The following CCDC138 variants were observed in gnomAD, a reference collection of about 807,000 sequenced individuals.
The protein encoded by CCDC138 is coiled-coil domain-containing protein 138.
Under a neutral mutation model 82.3 loss-of-function variants are expected in CCDC138, and 66 were observed. That is an observed-to-expected ratio of 0.80 (90% CI 0.66 to 0.98). The LOEUF (loss-of-function observed/expected upper bound fraction) is 0.98, where lower values mean the gene tolerates loss of function less well. Ranked by LOEUF, CCDC138 falls within the 50% of genes least tolerant of loss-of-function variation. The pLI is 0.00. For synonymous variants in CCDC138, 297 were observed against 265.4 expected (o/e 1.12, Z -1.16); for missense variants, 816 against 758.9 (o/e 1.08, Z -0.88).
intron 10 of CCDC138, among the ~76,000 whole-genome samples, chr2:108,821,439 G>A (rs1383532315): frequency 6.6e-6 from 1 of 152,100 alleles, no homozygotes. Flanking sequence ...TATTCAGTTG[G>A]CATTATTGAT....
intron 11 of CCDC138, among the ~76,000 whole-genome samples, chr2:108,845,728 C>T (rs866619260): frequency 2.6e-5 from 4 of 152,002 alleles, no homozygotes; most frequent in Admixed American, 1.3e-4. Flanking sequence ...CCCGCCACCA[C>T]GCCTGGCTAT....
At chr2:108,842,775 G>C (rs1458673705) in intron 11 of CCDC138, among the ~76,000 whole-genome samples, 1 of 152,154 alleles carries the variant, frequency 6.6e-6, no homozygotes, top group African/African-American at 2.4e-5. Flanking sequence ...CCTGCTTCTA[G>C]GGTGAAAAAG....
chr2:108,810,846 C>T (rs952570792), intron 7 of CCDC138, among the ~76,000 whole-genome samples: 6 of 152,180 alleles, frequency 3.9e-5, no homozygotes, highest in Middle Eastern at 3.2e-3. Context: ...CTTTTTACTA[C>T]AATTCAATCT....
chr2:108,840,724 G>A (rs1009991968), intron 11 of CCDC138, among the ~76,000 whole-genome samples: 1 of 151,930 alleles, frequency 6.6e-6, no homozygotes, highest in Non-Finnish European at 1.5e-5. Context: ...CATCTCTTTT[G>A]CTAGAAGTTT....
intron 10 of CCDC138, among the ~76,000 whole-genome samples, chr2:108,838,939 T>C (rs1008258312): frequency 1.3e-5 from 2 of 152,176 alleles, no homozygotes; most frequent in Non-Finnish European, 2.9e-5. Context: ...TAGAGTATCT[T>C]TGTGTAGGTT....
intron 2 of CCDC138, 38 bp downstream of exon 2, chr2:108,788,127 T>C: frequency 6.3e-7 from 1 of 1,586,616 alleles, no homozygotes; most frequent in South Asian, 1.2e-5. Flanking sequence ...GTTTCAAAAA[T>C]TTAATTTGAG....
chr2:108,831,486 T>C (rs536541630), intron 10 of CCDC138, among the ~76,000 whole-genome samples: 1 of 152,210 alleles, frequency 6.6e-6, no homozygotes, highest in South Asian at 2.1e-4. Flanking sequence ...TTAGAGGGGA[T>C]AAAGATATAA....
chr2:108,881,792 G>A (rs545628757), intron 1 of CCDC138, among the ~76,000 whole-genome samples: 1 of 152,306 alleles, frequency 6.6e-6, no homozygotes, highest in Admixed American at 6.5e-5. Flanking sequence ...CATCAATTAA[G>A]TTTGCTGTCT....
At chr2:108,819,822 A>G (rs1358219368) in intron 10 of CCDC138, among the ~76,000 whole-genome samples, 2 of 152,196 alleles carry the variant, frequency 1.3e-5, no homozygotes, top group Non-Finnish European at 2.9e-5. Flanking sequence ...AAATCAAAGA[A>G]GAAAACAAAG....
intron 7 of CCDC138, among the ~76,000 whole-genome samples, chr2:108,807,312 A>C (rs1207672997): frequency 6.6e-6 from 1 of 152,222 alleles, no homozygotes; most frequent in Non-Finnish European, 1.5e-5. Flanking sequence ...AAAGGAATTA[A>C]ATTGAAATTT....
chr2:108,791,832 C>T (rs1421555377), intron 4 of CCDC138, 30 bp downstream of exon 4: 1 of 1,541,128 alleles, frequency 6.5e-7, no homozygotes, highest in East Asian at 2.3e-5. Context: ...ACAATCAATT[C>T]AGTAGTAACT....
chr2:108,862,119 G>T (rs1252863863), intron 13 of CCDC138, among the ~76,000 whole-genome samples: 2 of 148,610 alleles, frequency 1.3e-5, no homozygotes, highest in African/African-American at 2.5e-5. Flanking sequence ...TGAGCATGTG[G>T]TCAGTCATAG....
chr2:108,818,525 G>A (rs1393421559), intron 10 of CCDC138, among the ~76,000 whole-genome samples: 1 of 151,988 alleles, frequency 6.6e-6, no homozygotes, highest in East Asian at 1.9e-4. Flanking sequence ...TAATAATAAA[G>A]GTAGAACAAT....
downstream of CCDC138, among the ~76,000 whole-genome samples, chr2:108,880,461 A>G (rs940599262): frequency 7.2e-5 from 11 of 152,188 alleles, no homozygotes; most frequent in Non-Finnish European, 1.3e-4. Context: ...CCAGAAGGCT[A>G]AACTTCCTAG....
At chr2:108,833,894 ATTTTTTTTTT>A (rs749488565) in intron 10 of CCDC138, among the ~76,000 whole-genome samples, 4 of 79,242 alleles carry the variant, frequency 5.0e-5, no homozygotes, top group Admixed American at 1.8e-4. Flanking sequence ...CGCCCGGCTA[ATTTTTTTTTT>A]TTTTTTTTTT....
At chr2:108,837,384 CA>C (rs1688742906) in intron 10 of CCDC138, among the ~76,000 whole-genome samples, 1 of 152,172 alleles carries the variant, frequency 6.6e-6, no homozygotes, top group Admixed American at 6.5e-5. Context: ...GAATTAATCT[CA>C]CTTAGTCATG....
intron 7 of CCDC138, among the ~76,000 whole-genome samples, chr2:108,807,122 A>G (rs1463971934): frequency 1.3e-5 from 2 of 152,236 alleles, no homozygotes; most frequent in African/African-American, 2.4e-5. Flanking sequence ...ATAACTGAGA[A>G]TGAAGAAAAA....
At chr2:108,809,842 G>A (rs1683499701) in intron 7 of CCDC138, among the ~76,000 whole-genome samples, 1 of 152,060 alleles carries the variant, frequency 6.6e-6, no homozygotes, top group African/African-American at 2.4e-5. Flanking sequence ...GTCTCACTCT[G>A]TCGCCCAGGC....
intron 6 of CCDC138, among the ~76,000 whole-genome samples, chr2:108,799,094 A>G (rs1234512868): frequency 6.6e-6 from 1 of 152,134 alleles, no homozygotes; most frequent in Non-Finnish European, 1.5e-5. Flanking sequence ...GACAAGATTC[A>G]TGCGTTATAT....
Sources: gnomAD v4.1 joint callset for allele counts (sites outside exome capture counted in the v4.1 genomes callset) on GRCh38, gnomAD v4.1.1 for gene constraint, MANE v1.5 for transcripts, NCBI Gene and HGNC (gene_info 2026-07-23, HGNC 2026-07-21) for gene names.